Variants in SLC9A6 observed in about 807,000 individuals in gnomAD.
The protein encoded by SLC9A6 is solute carrier family 9 member A6, also known as sodium/hydrogen exchanger 6.
SLC9A6 carries 6 observed loss-of-function variants against 45.3 expected under a neutral mutation model. The ratio of observed to expected loss-of-function variants is 0.13; its 90% CI spans 0.07 to 0.26. The LOEUF (loss-of-function observed/expected upper bound fraction) is 0.26, where lower values mean the gene tolerates loss of function less well. Ranked by LOEUF, SLC9A6 falls within the 10% of genes least tolerant of loss-of-function variation. The pLI, the probability that SLC9A6 is intolerant of heterozygous loss-of-function variation, is 1.00. For missense variants in SLC9A6, 278 were observed against 503.7 expected, an observed-to-expected ratio of 0.55 and a Z score of 4.29; for synonymous variants, 191 against 187.7, an observed-to-expected ratio of 1.02 and a Z score of -0.14.
chrX:135,992,080 C>T lies in SLC9A6; in HGVS notation c.170-2706C>T, dbSNP rs782545665. On this transcript the variant is annotated intron_variant, in intron 2 of 17. Transcript: ENST00000630721. ...TGTGTCACAAGTACATCCAACTCAA[C>T]GTGTCCAAAACTGAATGTAGCCTTT... is the stretch of plus-strand genomic sequence containing the variant. Among the ~76,000 whole-genome samples, 25 of 111,813 alleles carry T rather than the reference C, an allele frequency of 2.2e-4. No individual in the cohort carries two copies. The East Asian group carries it at 2.8e-3, about 13-fold the overall frequency.
chrX:136,011,611 G>A (rs2070923563), intron 8 of SLC9A6, among the ~76,000 whole-genome samples: 1 of 111,962 alleles, frequency 8.9e-6, no homozygotes, highest in East Asian at 2.8e-4. Flanking sequence ...CCTGCTACAT[G>A]TGCTGTGCTC....
chrX:135,991,960 C>A (rs1320907041), intron 2 of SLC9A6, among the ~76,000 whole-genome samples: 2 of 111,349 alleles, frequency 1.8e-5, no homozygotes, highest in Non-Finnish European at 3.8e-5. Flanking sequence ...GCGATCTCAT[C>A]TACATCTGAC....
chrX:136,019,106 T>C (rs1286879677), intron 11 of SLC9A6, among the ~76,000 whole-genome samples: 1 of 111,889 alleles, frequency 8.9e-6, no homozygotes, highest in African/African-American at 3.2e-5. Context: ...ACCATGAAAA[T>C]GGCCTCGTAA....
In SLC9A6 at chrX:136,030,165, A is replaced by G; in HGVS notation, c.1581+3A>G. ...TTGATTCAGACCAAGAACACTTGGTAAATATGCGTTTTTGTTGTTCCTGGC... is the reference window on the plus strand; with the variant it reads ...TTGATTCAGACCAAGAACACTTGGTGAATATGCGTTTTTGTTGTTCCTGGC... On this transcript the variant is annotated splice_donor_region_variant and intron_variant, in intron 15 of 17. Transcript: ENST00000630721. 1 of 1,206,305 alleles carries G rather than the reference A, an allele frequency of 8.3e-7. No homozygotes were observed. The highest frequency in any genetic ancestry group is 1.1e-6 in the Non-Finnish European group (1 of 890,278).
At chrX:136,039,996 T>C in intron 16 of SLC9A6, 80 bp from the exon 17 acceptor site, 1 of 780,268 alleles carries the variant, frequency 1.3e-6, no homozygotes, top group Non-Finnish European at 1.9e-6. Context: ...GTTACTATAC[T>C]ATGATGGTGA....
At chrX:136,013,505 T>TAAA in intron 10 of SLC9A6, 68 bp downstream of exon 10, 1 of 614,041 alleles carries the variant, frequency 1.6e-6, no homozygotes, top group Non-Finnish European at 2.5e-6. Flanking sequence ...TCTTTTTTAC[T>TAAA]AAAAAAAAAA....
intron 1 of SLC9A6, chrX:135,974,821 C>T: frequency 3.3e-6 from 1 of 298,727 alleles, no homozygotes; most frequent in Non-Finnish European, 6.7e-6. Context: ...AGGTGTAGCG[C>T]GGGGGGAGTG....
chrX:136,046,431 T>A lies in SLC9A6; in HGVS notation c.*1707T>A, dbSNP rs1436797017. 2 of 112,928 alleles carry A rather than the reference T, an allele frequency of 1.8e-5. No individual in the cohort carries two copies. Among genetic ancestry groups the A allele is most frequent in the African/African-American group, 6.5e-5 (2 of 30,993 alleles). The allele number at this position is 112,928 out of a possible 1,213,427, so 9.3% of individuals were successfully genotyped here. On this transcript the variant is annotated 3_prime_UTR_variant, in exon 18 of 18. Transcript: ENST00000630721. ...TGACGTGTATGTTTTACATGATGTG[T>A]GCCTCTTCACGCAGTAAATAGTTTC...
At chrX:136,002,469 C>T (rs2089596334) in intron 7 of SLC9A6, among the ~76,000 whole-genome samples, 1 of 111,756 alleles carries the variant, frequency 8.9e-6, no homozygotes, top group Admixed American at 9.6e-5. Context: ...GATATTGTTA[C>T]ATAGTTGTGA....
At chrX:136,002,557 TTTTC>T (rs1409817930) in intron 7 of SLC9A6, among the ~76,000 whole-genome samples, 6 of 111,317 alleles carry the variant, frequency 5.4e-5, no homozygotes, top group Admixed American at 2.9e-4. Context: ...AGATTTAATA[TTTTC>T]TTTCTTTTTT....
At chrX:136,005,717 A>G (rs2089647739) in intron 7 of SLC9A6, among the ~76,000 whole-genome samples, 1 of 109,087 alleles carries the variant, frequency 9.2e-6, no homozygotes, top group Non-Finnish European at 1.9e-5. Flanking sequence ...TTTCCATAGC[A>G]TTTCTCACAA....
intron 11 of SLC9A6, among the ~76,000 whole-genome samples, chrX:136,017,243 C>T (rs903850029): frequency 9.1e-6 from 1 of 109,843 alleles, no homozygotes; most frequent in Non-Finnish European, 1.9e-5. Context: ...AGCAAGACCC[C>T]ATCTTTACAA....
intron 16 of SLC9A6, among the ~76,000 whole-genome samples, chrX:136,037,341 A>G (rs2071428786): frequency 8.9e-6 from 1 of 112,359 alleles, no homozygotes; most frequent in Non-Finnish European, 1.9e-5. Context: ...ATATCATAAC[A>G]ATATTGAGAC....
chrX:136,003,011 G>A (rs1450947526), intron 7 of SLC9A6, among the ~76,000 whole-genome samples: 3 of 97,969 alleles, frequency 3.1e-5, no homozygotes, highest in South Asian at 4.6e-4. Context: ...TTTTTGAGAC[G>A]AAGTCTCGCT....
rs180818684 is a variant in SLC9A6, at chrX:135,998,618, A to G, written c.524+60A>G. On this transcript the variant is annotated intron_variant, in intron 5 of 17. Coordinates refer to ENST00000630721, the MANE Select transcript of SLC9A6 (RefSeq NM_001379110.1). ...TCAAATTATAATTTTAAAATAATAT[A>G]TTTTTGATTTATGCAGTGTTATATA... 4,555 of 861,190 alleles carry G rather than the reference A, an allele frequency of 5.3e-3. 7 individuals carry two copies. Among genetic ancestry groups the G allele is most frequent in the Non-Finnish European group, 6.2e-3 (3,700 of 599,153 alleles). 71.0% of individuals were successfully genotyped at this position (861,190 alleles called of 1,213,427 possible).
rs1173281302 is a variant in SLC9A6 at position 136,042,672 on chromosome X, A to G, written c.1768-1780A>G. Among the ~76,000 whole-genome samples, 4 of 111,806 alleles carry G rather than the reference A, an allele frequency of 3.6e-5. No individual in the cohort carries two copies. The East Asian group carries it at 1.1e-3, about 31-fold the overall frequency. On this transcript the variant is annotated intron_variant, in intron 17 of 17. Coordinates refer to ENST00000630721, the MANE Select transcript of SLC9A6 (RefSeq NM_001379110.1). ...TACTTCCTGATATATTTTATTGCAA[A>G]TAAATATGTGTATATATGGCTTTGT...
intron 6 of SLC9A6, among the ~76,000 whole-genome samples, chrX:135,999,196 G>A (rs1556617068): frequency 9.4e-6 from 1 of 106,611 alleles, no homozygotes; most frequent in Admixed American, 1.0e-4. Flanking sequence ...CCTATTACTG[G>A]TCCACAAGTT....
Position 136,046,323 on chromosome X carries a change from C to G in SLC9A6, c.*1599C>G, listed in dbSNP as rs1482612349. 8.9e-6 allele frequency: 1 copy of G among 112,327 alleles called. No homozygotes were observed. Among genetic ancestry groups the G allele is most frequent in the Non-Finnish European group, 1.9e-5 (1 of 53,246 alleles). The allele number at this position is 112,327 out of a possible 1,213,427, so 9.3% of individuals were successfully genotyped here. ...TTTTAGGGGAATTCTAATGTTGTACCCTTTCGTGGCAGCTTTGACTGTTGG... is the reference window on the plus strand; with the variant it reads ...TTTTAGGGGAATTCTAATGTTGTACGCTTTCGTGGCAGCTTTGACTGTTGG... On this transcript the variant is annotated 3_prime_UTR_variant, in exon 18 of 18. Transcript: ENST00000630721.
chrX:135,981,796 T>A (rs2089286738), upstream of SLC9A6, among the ~76,000 whole-genome samples: 2 of 112,218 alleles, frequency 1.8e-5, no homozygotes, highest in African/African-American at 6.5e-5. Context: ...AGAGGATTTG[T>A]GTTCCAGAAA....
Sources: gnomAD v4.1 joint callset for allele counts (sites outside exome capture counted in the v4.1 genomes callset) on GRCh38, gnomAD v4.1.1 for gene constraint, MANE v1.5 for transcripts, NCBI Gene and HGNC (gene_info 2026-07-23, HGNC 2026-07-21) for gene names.